The following DCDC2 variants were observed in gnomAD, a reference collection of about 807,000 sequenced individuals.
DCDC2 encodes the protein doublecortin domain containing 2.
DCDC2 carries 40 observed loss-of-function variants against 50.2 expected under a neutral mutation model. The observed-to-expected ratio is 0.80, with a 90% confidence interval of 0.62 to 1.04. The LOEUF (loss-of-function observed/expected upper bound fraction) is 1.04. Ranked by LOEUF, DCDC2 falls within the 50% of genes least tolerant of loss-of-function variation. The pLI is 0.00. For synonymous variants in DCDC2, 234 were observed against 210.6 expected, an observed-to-expected ratio of 1.11 and a Z score of -0.96; for missense variants, 570 against 581.9, an observed-to-expected ratio of 0.98 and a Z score of 0.21.
At chr6:24,362,343 G>GTTTATACAATTATTTTTTATTTAA (rs1561790875), upstream of DCDC2, among the ~76,000 whole-genome samples, 29 of 54,780 alleles carry the variant, frequency 5.3e-4, no homozygotes, top group Admixed American at 9.9e-4. Flanking sequence ...TTAATTGTAT[G>GTTTATACAATTATTTTTTATTTAA]TTGATACAAT....
intron 7 of DCDC2, among the ~76,000 whole-genome samples, chr6:24,242,697 C>T (rs1762590149): frequency 6.6e-6 from 1 of 152,164 alleles, no homozygotes; most frequent in Non-Finnish European, 1.5e-5. Context: ...CATGGTGGCT[C>T]ACGCCTGTAA....
the DCDC2 span, among the ~76,000 whole-genome samples, chr6:24,381,249 C>G: frequency 4.6e-5 from 7 of 152,238 alleles, no homozygotes; most frequent in African/African-American, 1.7e-4. Context: ...GGTGAGAACA[C>G]TTAATGTCTA....
At chr6:24,283,783 G>A (rs1006101763) in intron 6 of DCDC2, among the ~76,000 whole-genome samples, 2 of 152,134 alleles carry the variant, frequency 1.3e-5, no homozygotes, top group Admixed American at 1.3e-4. Context: ...TGGATTTACT[G>A]GCATAGGAAG....
intron 7 of DCDC2, among the ~76,000 whole-genome samples, chr6:24,229,668 G>A (rs927219639): frequency 6.6e-6 from 1 of 152,178 alleles, no homozygotes; most frequent in African/African-American, 2.4e-5. Flanking sequence ...TGCCCCTTCA[G>A]AATGCTCAAA....
intron 7 of DCDC2, among the ~76,000 whole-genome samples, chr6:24,226,993 G>A (rs543068356): frequency 5.9e-5 from 9 of 152,272 alleles, no homozygotes; most frequent in South Asian, 4.1e-4. Flanking sequence ...TAGAGATACC[G>A]AAGAGAAACT....
At position 24,357,974 on chromosome 6, in the gene DCDC2, G is replaced by A. The variant is rs9379657; in HGVS notation, c.-224C>T. ...GGAGTAGACGCTCAAGTTTTTCACCGTGGCGTGCACAGCCAATCAGGACCC... is the reference window on the plus strand; with the variant it reads ...GGAGTAGACGCTCAAGTTTTTCACCATGGCGTGCACAGCCAATCAGGACCC... On this transcript the variant is annotated 5_prime_UTR_variant, in exon 1 of 10. In the 5' UTR this introduces an upstream ATG that the reference lacks. Transcript: ENST00000378454. The A allele has an allele frequency of 0.11, 161,234 of 1,466,654 alleles. 11,976 individuals are homozygous for A. The highest frequency in any genetic ancestry group is 0.38 in the East Asian group (15,676 of 41,678). The allele number at this position is 1,466,654 out of a possible 1,614,324, so 90.9% of individuals were successfully genotyped here.
chr6:24,298,294 G>T (rs1759301953), intron 4 of DCDC2, among the ~76,000 whole-genome samples: 1 of 152,228 alleles, frequency 6.6e-6, no homozygotes, highest in Non-Finnish European at 1.5e-5. Context: ...TTCCTAACAG[G>T]CCACGGAATG....
At chr6:24,263,334 C>T (rs1365934584) in intron 7 of DCDC2, among the ~76,000 whole-genome samples, 4 of 152,150 alleles carry the variant, frequency 2.6e-5, no homozygotes, top group African/African-American at 9.7e-5. Context: ...GCTCGGACAT[C>T]AACAAACATC....
chr6:24,182,640 A>AAAAAAAC (rs1245711573), intron 8 of DCDC2, among the ~76,000 whole-genome samples: 1 of 150,606 alleles, frequency 6.6e-6, no homozygotes, highest in Non-Finnish European at 1.5e-5. Context: ...AAAAAAAAAA[A>AAAAAAAC]AAAACAGAAG....
intron 1 of DCDC2, among the ~76,000 whole-genome samples, chr6:24,354,813 TGAAATAAATA>T (rs1396332652): frequency 6.6e-6 from 1 of 152,130 alleles, no homozygotes; most frequent in Non-Finnish European, 1.5e-5. Flanking sequence ...GTCTCACATT[TGAAATAAATA>T]AGGGTTTAAT....
intron 8 of DCDC2, among the ~76,000 whole-genome samples, chr6:24,186,422 A>G (rs957284023): frequency 2.6e-5 from 4 of 152,224 alleles, no homozygotes; most frequent in Non-Finnish European, 4.4e-5. Flanking sequence ...CAAAGGTTAC[A>G]TGGCCAGTAG....
chr6:24,174,871 G>T, intron 9 of DCDC2, 37 bp from the exon 10 acceptor site: 1 of 1,402,558 alleles, frequency 7.1e-7, no homozygotes. Context: ...GTATTCAGCT[G>T]TTTGGTTCAC....
At chr6:24,286,275 T>C (rs908748581) in intron 6 of DCDC2, among the ~76,000 whole-genome samples, 2 of 152,220 alleles carry the variant, frequency 1.3e-5, no homozygotes, top group Non-Finnish European at 2.9e-5. Flanking sequence ...GCTGTTCAAC[T>C]AGGACCATTA....
intron 4 of DCDC2, among the ~76,000 whole-genome samples, chr6:24,299,472 C>T (rs867197421): frequency 6.6e-6 from 1 of 151,994 alleles, no homozygotes; most frequent in Non-Finnish European, 1.5e-5. Context: ...TTCCCTGAAC[C>T]TAAAATAAAC....
rs919671579 is a variant in DCDC2, at chr6:24,174,493, C to T, written c.*237G>A. ...CTTCCAGTGCAAATTCTCCTCTGTCCGTCTTATTTAATATTTCTATATGAC... is the reference window on the plus strand; with the variant it reads ...CTTCCAGTGCAAATTCTCCTCTGTCTGTCTTATTTAATATTTCTATATGAC... On this transcript the variant is annotated 3_prime_UTR_variant, in exon 10 of 10. Transcript: ENST00000378454. The T allele has an allele frequency of 1.0e-5, 3 of 294,360 alleles. No individual in the cohort carries two copies. Among genetic ancestry groups the T allele is most frequent in the Non-Finnish European group, 1.9e-5 (3 of 160,390 alleles). 18.2% of individuals were successfully genotyped at this position (294,360 alleles called of 1,614,324 possible).
At chr6:24,204,884 A>T in intron 8 of DCDC2, 118 bp downstream of exon 8, 1 of 897,272 alleles carries the variant, frequency 1.1e-6, no homozygotes, top group Non-Finnish European at 1.7e-6. Context: ...TCAGCCACAT[A>T]GTACCTTAGA....
chr6:24,382,397 A>C, the DCDC2 span, among the ~76,000 whole-genome samples: 1 of 152,146 alleles, frequency 6.6e-6, no homozygotes, highest in African/African-American at 2.4e-5. Flanking sequence ...CATTAGTCAG[A>C]AGCAATGTTT....
intron 2 of DCDC2, among the ~76,000 whole-genome samples, chr6:24,350,151 G>A (rs980827188): frequency 6.6e-6 from 1 of 152,160 alleles, no homozygotes; most frequent in Non-Finnish European, 1.5e-5. Context: ...CTTCAAAGAT[G>A]AGCCTCATGG....
chr6:24,228,003 C>A (rs1762266571), intron 7 of DCDC2, among the ~76,000 whole-genome samples: 1 of 152,218 alleles, frequency 6.6e-6, no homozygotes, highest in Non-Finnish European at 1.5e-5. Flanking sequence ...TCCTTCTCTT[C>A]TGCAGTTTGT....
Sources: gnomAD v4.1 joint callset for allele counts (sites outside exome capture counted in the v4.1 genomes callset) on GRCh38, gnomAD v4.1.1 for gene constraint, MANE v1.5 for transcripts, NCBI Gene and HGNC (gene_info 2026-07-23, HGNC 2026-07-21) for gene names.